The following LRRC7 variants were observed in gnomAD, a reference collection of about 807,000 sequenced individuals.
LRRC7 encodes the protein leucine rich repeat containing 7, also known as leucine-rich repeat-containing protein 7.
A neutral mutation model predicts 175.7 loss-of-function variants in LRRC7; 23 were observed. The observed-to-expected ratio is 0.13, with a 90% CI of 0.09 to 0.19. The LOEUF (loss-of-function observed/expected upper bound fraction) is 0.19. Ranked by LOEUF, LRRC7 falls within the 10% of genes least tolerant of loss-of-function variation. The pLI is 1.00. For synonymous variants in LRRC7, 685 were observed against 680.9 expected, an observed-to-expected ratio of 1.01 and a Z score of -0.09; for missense variants, 1,354 against 1,904.7, an observed-to-expected ratio of 0.71 and a Z score of 5.38.
intron 23 of LRRC7, among the ~76,000 whole-genome samples, chr1:70,067,210 C>G (rs1391739278): frequency 6.6e-6 from 1 of 152,040 alleles, no homozygotes; most frequent in Admixed American, 6.6e-5. Context: ...ACATGATTTA[C>G]AAACATTTTC....
At chr1:69,985,799 A>G (rs1447189943) in intron 9 of LRRC7, among the ~76,000 whole-genome samples, 1 of 152,228 alleles carries the variant, frequency 6.6e-6, no homozygotes, top group African/African-American at 2.4e-5. Context: ...ATTGTATAAC[A>G]TGTATCAATA....
At chr1:70,047,601 A>G (rs1307502728) in intron 22 of LRRC7, among the ~76,000 whole-genome samples, 2 of 152,188 alleles carry the variant, frequency 1.3e-5, no homozygotes, top group Non-Finnish European at 2.9e-5. Flanking sequence ...GTGAATATTT[A>G]TATGAACAAA....
chr1:70,013,137 C>A, intron 13 of LRRC7, 48 bp downstream of exon 13: 1 of 1,172,180 alleles, frequency 8.5e-7, no homozygotes, highest in Non-Finnish European at 1.2e-6. Context: ...TTGCTGAAAG[C>A]AAATTATAGT....
At chr1:69,883,896 C>G (rs1404448222) in intron 7 of LRRC7, among the ~76,000 whole-genome samples, 2 of 87,688 alleles carry the variant, frequency 2.3e-5, no homozygotes, top group East Asian at 4.5e-4. Flanking sequence ...GCTTGTTTTT[C>G]TCAGGTTTGT....
At chr1:69,839,839 T>A (rs1308405270) in intron 7 of LRRC7, among the ~76,000 whole-genome samples, 3 of 152,028 alleles carry the variant, frequency 2.0e-5, no homozygotes, top group African/African-American at 7.2e-5. Flanking sequence ...CTGATATAGA[T>A]TGATAATATG....
intron 1 of LRRC7, 43 bp from the exon 2 acceptor site, chr1:69,678,337 CA>C (rs769315825): frequency 8.5e-5 from 113 of 1,334,226 alleles, no homozygotes; most frequent in Admixed American, 1.0e-4. Context: ...AACATTTATC[CA>C]AAAAAAAGAG....
At chr1:69,921,223 T>C (rs1006960796) in intron 7 of LRRC7, among the ~76,000 whole-genome samples, 7 of 151,900 alleles carry the variant, frequency 4.6e-5, no homozygotes, top group African/African-American at 1.7e-4. Flanking sequence ...AGGAAGAAAA[T>C]GGAATGTGGG....
chr1:69,589,008 T>TGTGTGTGTGTGTGTGTGC (rs756682853), intron 1 of LRRC7, among the ~76,000 whole-genome samples: 2 of 151,448 alleles, frequency 1.3e-5, no homozygotes, highest in African/African-American at 4.9e-5. Context: ...TGTGTGTGTG[T>TGTGTGTGTGTGTGTGTGC]GCGTGCATGT....
At chr1:69,786,596 T>A (rs1674465474) in intron 3 of LRRC7, among the ~76,000 whole-genome samples, 1 of 152,158 alleles carries the variant, frequency 6.6e-6, no homozygotes, top group African/African-American at 2.4e-5. Context: ...GGAGTCCTCA[T>A]GATCATGATG....
intron 1 of LRRC7, among the ~76,000 whole-genome samples, chr1:69,583,455 T>A (rs949298399): frequency 6.6e-6 from 1 of 152,150 alleles, no homozygotes; most frequent in Non-Finnish European, 1.5e-5. Flanking sequence ...GGTAACACAG[T>A]CACCACTAGG....
At chr1:70,078,870 A>C (rs1480623698) in intron 24 of LRRC7, among the ~76,000 whole-genome samples, 1 of 151,716 alleles carries the variant, frequency 6.6e-6, no homozygotes, top group Non-Finnish European at 1.5e-5. Flanking sequence ...TAAGCTTAGC[A>C]CTGAGGGTAT....
At chr1:70,107,925 G>C in intron 26 of LRRC7, 99 bp downstream of exon 26, 1 of 1,098,838 alleles carries the variant, frequency 9.1e-7, no homozygotes. Flanking sequence ...TTGAAAATAA[G>C]TCCTTCTCAC....
intron 16 of LRRC7, among the ~76,000 whole-genome samples, chr1:70,022,700 C>T (rs541450159): frequency 6.6e-5 from 10 of 152,034 alleles, no homozygotes; most frequent in Non-Finnish European, 1.5e-4. Flanking sequence ...AGAGCACAAA[C>T]GAACTTCTAA....
At chr1:69,722,466 C>A (rs1437318145) in intron 2 of LRRC7, among the ~76,000 whole-genome samples, 1 of 151,900 alleles carries the variant, frequency 6.6e-6, no homozygotes, top group Non-Finnish European at 1.5e-5. Flanking sequence ...TATAATGTTG[C>A]CTTGCATACA....
rs932008535 is a variant in LRRC7 at position 70,037,699 on chromosome 1, G to C, written c.2289-414G>C. Among the ~76,000 whole-genome samples, 37 of 152,112 alleles carry C rather than the reference G, an allele frequency of 2.4e-4. 1 individual carries two copies. The highest frequency in any genetic ancestry group is 8.8e-5 in the Non-Finnish European group (6 of 68,030). ...ATCATATGATTCTAATTATCAGTCAGGTTTCAAGACCATTACTTAAGAACT... is the reference window on the plus strand; with the variant it reads ...ATCATATGATTCTAATTATCAGTCACGTTTCAAGACCATTACTTAAGAACT... On this transcript the variant is annotated intron_variant, in intron 20 of 26. Transcript: ENST00000651989.
intron 3 of LRRC7, among the ~76,000 whole-genome samples, chr1:69,781,898 G>T (rs1673762186): frequency 1.1e-5 from 1 of 91,964 alleles, no homozygotes; most frequent in Non-Finnish European, 2.2e-5. Context: ...AGGAAGGAAG[G>T]GAAAGAAAGA....
At position 70,128,647 on chromosome 1, in the gene LRRC7, G is replaced by T. The variant is rs1208861079; in HGVS notation, c.*6760G>T. 5.9e-5 allele frequency: 9 copies of T among 152,076 alleles called. No individual in the cohort carries two copies. The highest frequency in any genetic ancestry group is 1.2e-4 in the Non-Finnish European group (8 of 68,016). 9.4% of individuals were successfully genotyped at this position (152,076 alleles called of 1,614,324 possible). ...ATATAACAAAAACATTAAATATTAT[G>T]ATTATAAATATTAAAATAAATATTT... On this transcript the variant is annotated 3_prime_UTR_variant, in exon 27 of 27. Transcript: ENST00000651989.
At chr1:69,936,591 G>T (rs1460141083) in intron 8 of LRRC7, among the ~76,000 whole-genome samples, 1 of 151,984 alleles carries the variant, frequency 6.6e-6, no homozygotes, top group Non-Finnish European at 1.5e-5. Context: ...TAAGGTTCAG[G>T]TGGTGCATGT....
At chr1:69,729,470 G>A (rs1392455089) in intron 2 of LRRC7, among the ~76,000 whole-genome samples, 1 of 152,098 alleles carries the variant, frequency 6.6e-6, no homozygotes, top group African/African-American at 2.4e-5. Context: ...GGGAGAAGTT[G>A]GCCAAAACAA....
Sources: allele counts gnomAD v4.1 joint callset (sites outside exome capture counted in the v4.1 genomes callset), GRCh38; gene constraint gnomAD v4.1.1; transcripts MANE v1.5; gene names NCBI Gene and HGNC (gene_info 2026-07-23, HGNC 2026-07-21).